The following CD99 variants were observed in gnomAD, a reference collection of about 807,000 sequenced individuals.
CD99 encodes CD99 molecule (Xg blood group).
Under a neutral mutation model 28.4 loss-of-function variants are expected in CD99, and 19 were observed. That is an observed-to-expected ratio of 0.67 (90% confidence interval 0.47 to 0.98). CD99 has a LOEUF of 0.98. Ranked by LOEUF, CD99 falls within the 50% of genes least tolerant of loss-of-function variation. CD99 has a pLI of 0.00. For missense variants in CD99, 283 were observed against 248.8 expected, an observed-to-expected ratio of 1.14 and a Z score of -0.92; for synonymous variants, 103 against 92.1, an observed-to-expected ratio of 1.12 and a Z score of -0.67.
intron 5 of CD99, 70 bp downstream of exon 5, chrX:2,720,494 A>T: frequency 6.9e-7 from 1 of 1,452,786 alleles, no homozygotes; most frequent in Non-Finnish European, 9.7e-7. Flanking sequence ...GTCAGCTGAG[A>T]GGAGGTGATT....
At chrX:2,732,586 C>T (rs1259737014) in intron 8 of CD99, among the ~76,000 whole-genome samples, 1 of 146,276 alleles carries the variant, frequency 6.8e-6, no homozygotes, top group African/African-American at 2.5e-5. Flanking sequence ...TTCATTCTTT[C>T]TTGAACTCTC....
intron 1 of CD99, among the ~76,000 whole-genome samples, chrX:2,698,671 C>T (rs936591830): frequency 4.6e-5 from 7 of 151,822 alleles, no homozygotes; most frequent in Non-Finnish European, 8.8e-5. Context: ...TTTGTTCTGT[C>T]GCCCAGGCTG....
rs2048934475 is a variant in CD99 at position 2,720,368 on chromosome X, C to T, written c.206C>T (p.Pro69Leu). The T allele has an allele frequency of 6.2e-7, 1 of 1,613,694 alleles. No individual in the cohort carries two copies. The highest frequency in any genetic ancestry group is 1.7e-5 in the Admixed American group (1 of 59,976). ...VVDGENDDPR[P>L]PNPPKPMPNP... ...CTTTCACAAACAGACGACCCACGAC[C>T]ACCGAACCCACCCAAACCGATGCCA... The change falls in exon 5 of 10, where the codon CCA becomes CTA. Residue 69 changes from proline to leucine, a missense_variant. Pro to Leu is a moderately conservative substitution (Grantham distance 98). Coordinates refer to ENST00000381192, the MANE Select transcript of CD99 (RefSeq NM_002414.5).
intron 8 of CD99, chrX:2,727,388 C>A (rs2049349500): frequency 1.3e-6 from 1 of 771,644 alleles, no homozygotes; most frequent in African/African-American, 1.7e-5. Context: ...GTGCATGCAT[C>A]ACTGGGCACT....
chrX:2,718,243 T>A (rs2048830755), intron 3 of CD99, among the ~76,000 whole-genome samples: 1 of 151,878 alleles, frequency 6.6e-6, no homozygotes, highest in South Asian at 2.1e-4. Context: ...TGTCTTTAGA[T>A]TTCAACTTCC....
intron 1 of CD99, among the ~76,000 whole-genome samples, chrX:2,697,562 C>A (rs753015795): frequency 4.6e-5 from 7 of 152,200 alleles, no homozygotes; most frequent in Admixed American, 4.6e-4. Flanking sequence ...AAGCATTGAT[C>A]CACGAGGGGA....
intron 1 of CD99, among the ~76,000 whole-genome samples, chrX:2,704,181 C>G (rs913989346): frequency 1.3e-5 from 2 of 152,186 alleles, no homozygotes; most frequent in African/African-American, 4.8e-5. Flanking sequence ...TCACACCATT[C>G]TTTGGCCTCT....
intron 8 of CD99, among the ~76,000 whole-genome samples, chrX:2,737,407 A>T (rs774470382): frequency 1.1e-4 from 5 of 45,882 alleles, no homozygotes; most frequent in African/African-American, 5.1e-4. Flanking sequence ...CGATCTCTTG[A>T]CCTCGTGATC....
At chrX:2,700,513 C>T (rs1317732052) in intron 1 of CD99, among the ~76,000 whole-genome samples, 1 of 151,868 alleles carries the variant, frequency 6.6e-6, no homozygotes, top group Non-Finnish European at 1.5e-5. Flanking sequence ...CCCATCCATC[C>T]ATTCATCCAT....
At chrX:2,719,446 C>T (rs1335977243) in intron 3 of CD99, 5 of 620,264 alleles carry the variant, frequency 8.1e-6, no homozygotes, top group African/African-American at 1.8e-5. Context: ...TTTTATCTGT[C>T]TCTGTCTCTC....
intron 1 of CD99, among the ~76,000 whole-genome samples, chrX:2,712,868 T>C (rs2048486526): frequency 6.6e-6 from 1 of 151,922 alleles, no homozygotes; most frequent in South Asian, 2.1e-4. Context: ...CACCTACCCA[T>C]ACACACACGT....
At chrX:2,732,206 G>A (rs1023988768) in intron 8 of CD99, among the ~76,000 whole-genome samples, 8 of 152,052 alleles carry the variant, frequency 5.3e-5, no homozygotes, top group African/African-American at 1.4e-4. Flanking sequence ...CATGCACTCG[G>A]GGTCTGTGAC....
At chrX:2,723,938 A>T (rs2049133846) in intron 7 of CD99, among the ~76,000 whole-genome samples, 1 of 151,796 alleles carries the variant, frequency 6.6e-6, no homozygotes, top group Admixed American at 6.6e-5. Flanking sequence ...AGAGAAACAG[A>T]GAAGTAGGGA....
In CD99 at chrX:2,723,372, C is replaced by T. The variant is rs1253105229; in HGVS notation, c.361+8C>T. 16 of 1,613,768 alleles carry T rather than the reference C, an allele frequency of 9.9e-6. No homozygotes were observed. Among genetic ancestry groups the T allele is most frequent in the Non-Finnish European group, 1.4e-5 (16 of 1,179,812 alleles). ...GGAAAGAAGGGGAAGAGGGTAGGTG[C>T]ACCTGGCTTCTGTCTTCTTGTCTCT... is the stretch of plus-strand genomic sequence containing the variant. On this transcript the variant is annotated splice_region_variant and intron_variant, in intron 7 of 9. Transcript: ENST00000381192.
intron 7 of CD99, among the ~76,000 whole-genome samples, chrX:2,724,287 T>G (rs2124137233): frequency 6.6e-6 from 1 of 152,332 alleles, no homozygotes; most frequent in East Asian, 1.9e-4. Flanking sequence ...TTGAAAAATC[T>G]TTCTATGACA....
At chrX:2,699,265 G>A (rs909961808) in intron 1 of CD99, among the ~76,000 whole-genome samples, 2 of 151,580 alleles carry the variant, frequency 1.3e-5, no homozygotes, top group African/African-American at 4.9e-5. Flanking sequence ...CGCCTCCCTG[G>A]TTCAAGTGCC....
intron 1 of CD99, among the ~76,000 whole-genome samples, chrX:2,704,327 G>A (rs1303629025): frequency 4.6e-5 from 7 of 152,094 alleles, no homozygotes; most frequent in Non-Finnish European, 8.8e-5. Context: ...CCCTTGTGCC[G>A]TCGTCCTAGT....
intron 1 of CD99, among the ~76,000 whole-genome samples, chrX:2,707,562 T>C (rs1391539340): frequency 6.6e-6 from 1 of 152,062 alleles, no homozygotes; most frequent in Non-Finnish European, 1.5e-5. Flanking sequence ...GTAGAAAGTG[T>C]CTTGTCAGAC....
intron 8 of CD99, chrX:2,727,158 A>T (rs905367204): frequency 2.9e-6 from 2 of 695,264 alleles, no homozygotes; most frequent in African/African-American, 3.6e-5. Context: ...CAAAACAAAA[A>T]CCAGCACAGC....
Sources: allele counts gnomAD v4.1 joint callset (sites outside exome capture counted in the v4.1 genomes callset), GRCh38; gene constraint gnomAD v4.1.1; transcripts MANE v1.5; gene names NCBI Gene and HGNC (gene_info 2026-07-23, HGNC 2026-07-21).